The following DPYSL3 variants were observed in gnomAD, a reference collection of about 807,000 sequenced individuals.
DPYSL3 encodes dihydropyrimidinase-related protein 3.
In DPYSL3, 16 loss-of-function variants were observed where a neutral mutation model predicts 66.1. The ratio of observed to expected loss-of-function variants is 0.24; its 90% CI spans 0.16 to 0.37. The LOEUF is 0.37. Ranked by LOEUF, DPYSL3 falls within the 10% of genes least tolerant of loss-of-function variation. The probability of loss-of-function intolerance (pLI) is 1.00; values close to 1 mark genes in which losing one functional copy is unlikely to be tolerated. For synonymous variants in DPYSL3, 338 were observed against 345.1 expected, an observed-to-expected ratio of 0.98 and a Z score of 0.23; for missense variants, 738 against 916.2, an observed-to-expected ratio of 0.81 and a Z score of 2.51.
At chr5:147,438,245 T>C (rs1752450409) in intron 1 of DPYSL3, among the ~76,000 whole-genome samples, 1 of 152,216 alleles carries the variant, frequency 6.6e-6, no homozygotes, top group Non-Finnish European at 1.5e-5. Flanking sequence ...GCAGAGGCTA[T>C]TTTTGATTCT....
At chr5:147,478,935 A>C (rs1051276445) in intron 1 of DPYSL3, among the ~76,000 whole-genome samples, 2 of 152,040 alleles carry the variant, frequency 1.3e-5, no homozygotes, top group African/African-American at 4.8e-5. Flanking sequence ...TTCCATTTCC[A>C]CCAGATCAGA....
chr5:147,468,136 G>T (rs910432746), intron 1 of DPYSL3, among the ~76,000 whole-genome samples: 3 of 152,138 alleles, frequency 2.0e-5, no homozygotes, highest in African/African-American at 7.2e-5. Flanking sequence ...GCATAAAAAG[G>T]TGCTAGTTAA....
intron 1 of DPYSL3, among the ~76,000 whole-genome samples, chr5:147,491,377 C>T (rs1353500021): frequency 6.6e-6 from 1 of 152,140 alleles, no homozygotes; most frequent in African/African-American, 2.4e-5. Context: ...CATGGATCCA[C>T]CGCTCAACAA....
At chr5:147,504,785 G>A (rs1753661703) in intron 1 of DPYSL3, among the ~76,000 whole-genome samples, 1 of 152,150 alleles carries the variant, frequency 6.6e-6, no homozygotes, top group Admixed American at 6.5e-5. Flanking sequence ...ATGGGAAGAA[G>A]GAAACTAGAA....
intron 1 of DPYSL3, chr5:147,472,671 G>A (rs114520987): frequency 6.6e-6 from 1 of 152,102 alleles, no homozygotes; most frequent in Non-Finnish European, 1.5e-5. Flanking sequence ...CTGCCTTTAA[G>A]TATCTCTCTG....
chr5:147,409,467 CGAAACAAAATAGT>C (rs1751800827), intron 6 of DPYSL3, among the ~76,000 whole-genome samples: 1 of 152,056 alleles, frequency 6.6e-6, no homozygotes, highest in African/African-American at 2.4e-5. Flanking sequence ...CAAAATTTAA[CGAAACAAAATAGT>C]GCCTCCAAAC....
At chr5:147,400,330 T>C (rs1262239104) in intron 10 of DPYSL3, among the ~76,000 whole-genome samples, 1 of 152,188 alleles carries the variant, frequency 6.6e-6, no homozygotes, top group Non-Finnish European at 1.5e-5. Context: ...TGCTTATCAT[T>C]TCAAAGGATT....
rs574197419 is a variant in DPYSL3, at chr5:147,457,182, A to G, written c.382-32219T>C. 2.8e-4 allele frequency among the ~76,000 whole-genome samples: 43 copies of G among 152,314 alleles called. 1 individual carries two copies. The highest frequency in any genetic ancestry group is 1.0e-3 in the African/African-American group (43 of 41,566). On this transcript the variant is annotated intron_variant, in intron 1 of 13. Transcript: ENST00000343218. ...GTTTACTTCGTATTCTTCTTATTATATAATAATAACGCATATCCTTATTAC... is the reference window on the plus strand; with the variant it reads ...GTTTACTTCGTATTCTTCTTATTATGTAATAATAACGCATATCCTTATTAC...
At position 147,509,714 on chromosome 5, in the gene DPYSL3, T is replaced by C; in HGVS notation, c.145A>G (p.Thr49Ala). The change falls in exon 1 of 14, where the codon ACG (threonine) becomes GCG (alanine). Residue 49 changes from threonine to alanine, a missense_variant. Physicochemically the swap from Thr to Ala is moderately conservative, Grantham distance 58 (BLOSUM62 0). Coordinates refer to ENST00000343218, the MANE Select transcript of DPYSL3 (RefSeq NM_001197294.2). The surrounding 1 kb of genome is among the most constrained non-coding windows in gnomAD (Gnocchi z 5.3). ...CNVEGAFESK[T>A]LDFDALSVGQ... ...ACGCTGAGGGCATCGAAATCCAGCG[T>C]CTTGCTCTCGAAGGCGCCCTCCACG... The C allele has an allele frequency of 6.5e-7, 1 of 1,535,898 alleles. No homozygotes were observed. Among genetic ancestry groups the C allele is most frequent in the Non-Finnish European group, 8.7e-7 (1 of 1,146,772 alleles).
Position 147,429,363 on chromosome 5 carries a change from C to G in DPYSL3, c.382-4400G>C, listed in dbSNP as rs536674316. On this transcript the variant is annotated intron_variant, in intron 1 of 13. Coordinates refer to ENST00000343218, the MANE Select transcript of DPYSL3 (RefSeq NM_001197294.2). ...ACTGCTGGGAGAATCAGACACACCA[C>G]TTAACTACGTGTGTGATCTTGAGTT... 1.1e-4 allele frequency among the ~76,000 whole-genome samples: 17 copies of G among 152,234 alleles called. No individual in the cohort carries two copies. The East Asian group carries it at 3.3e-3, about 29-fold the overall frequency.
At position 147,448,084 on chromosome 5, in the gene DPYSL3, G is replaced by T. The variant is rs1046346912; in HGVS notation, c.382-23121C>A. ...CAGAGGGCCCATTAGGACAGGAGGG[G>T]TTTTTTTTTCTTTTGGTTGTTGTTC... On this transcript the variant is annotated intron_variant, in intron 1 of 13. Transcript: ENST00000343218. Among the ~76,000 whole-genome samples, 90 of 150,888 alleles carry T rather than the reference G, an allele frequency of 6.0e-4. 1 individual carries two copies. The highest frequency in any genetic ancestry group is 1.8e-3 in the Admixed American group (27 of 15,158).
At chr5:147,478,037 A>AT (rs1181634056) in intron 1 of DPYSL3, among the ~76,000 whole-genome samples, 1 of 152,206 alleles carries the variant, frequency 6.6e-6, no homozygotes, top group Non-Finnish European at 1.5e-5. Context: ...TGTATCTTAC[A>AT]TTTTGAGCTC....
chr5:147,449,648 C>T (rs1056350973), intron 1 of DPYSL3, among the ~76,000 whole-genome samples: 2 of 152,202 alleles, frequency 1.3e-5, no homozygotes, highest in East Asian at 3.9e-4. Flanking sequence ...CCCCAATATT[C>T]TCACCAGGCA....
chr5:147,440,098 C>T (rs1370134236), intron 1 of DPYSL3, among the ~76,000 whole-genome samples: 3 of 152,046 alleles, frequency 2.0e-5, no homozygotes, highest in Non-Finnish European at 4.4e-5. Flanking sequence ...GTCAGGAGAT[C>T]GAGCCCATCC....
intron 11 of DPYSL3, among the ~76,000 whole-genome samples, chr5:147,398,864 C>A (rs1194977600): frequency 1.3e-5 from 2 of 152,204 alleles, no homozygotes; most frequent in African/African-American, 2.4e-5. Context: ...CTCTATTGGC[C>A]TCTGTCCCTG....
chr5:147,398,697 G>A (rs187216180), intron 11 of DPYSL3, among the ~76,000 whole-genome samples: 14 of 152,212 alleles, frequency 9.2e-5, no homozygotes, highest in South Asian at 2.1e-4. Flanking sequence ...CCTGACTTCC[G>A]GAAGTTAGGT....
intron 13 of DPYSL3, 64 bp downstream of exon 13, chr5:147,395,495 G>T (rs1276390354): frequency 2.6e-6 from 4 of 1,535,388 alleles, no homozygotes; most frequent in African/African-American, 2.7e-5. Flanking sequence ...ACACCCTGTG[G>T]CCTCAGAACA....
chr5:147,417,636 C>T (rs1751995945), intron 3 of DPYSL3, among the ~76,000 whole-genome samples: 1 of 152,102 alleles, frequency 6.6e-6, no homozygotes, highest in African/African-American at 2.4e-5. Flanking sequence ...GGATGGGGCC[C>T]AATTCATCAG....
chr5:147,436,018 C>A (rs971526129), intron 1 of DPYSL3, among the ~76,000 whole-genome samples: 1 of 152,190 alleles, frequency 6.6e-6, no homozygotes, highest in Non-Finnish European at 1.5e-5. Flanking sequence ...AGACATGCAG[C>A]TGCCCCACAA....
Sources: allele counts gnomAD v4.1 joint callset (sites outside exome capture counted in the v4.1 genomes callset), GRCh38; gene constraint gnomAD v4.1.1; non-coding constraint Gnocchi (gnomAD v3.1); transcripts MANE v1.5; gene names NCBI Gene and HGNC (gene_info 2026-07-23, HGNC 2026-07-21).